Variants in PKHD1L1 observed in about 807,000 individuals in gnomAD.
The protein encoded by PKHD1L1 is fibrocystin-L.
A neutral mutation model predicts 462.9 loss-of-function variants in PKHD1L1; 434 were observed. The observed-to-expected ratio is 0.94, with a 90% CI of 0.87 to 1.02. The LOEUF (loss-of-function observed/expected upper bound fraction) is 1.02, where lower values mean the gene tolerates loss of function less well. PKHD1L1 is among the 50% of genes least tolerant of loss of function. The probability of loss-of-function intolerance (pLI) is 0.00; values close to 1 mark genes in which losing one functional copy is unlikely to be tolerated. For missense variants in PKHD1L1, 5,202 were observed against 5,096.1 expected, an observed-to-expected ratio of 1.02 and a Z score of -0.63; for synonymous variants, 1,781 against 1,750.0, an observed-to-expected ratio of 1.02 and a Z score of -0.44.
chr8:109,480,231 G>C lies in PKHD1L1; in HGVS notation c.9327+92G>C, dbSNP rs1165167770. ...TAATAAGAAAGAAGCATATTCAATT[G>C]GTGTGAATAAAAACACAACTGGCTC... On this transcript the variant is annotated intron_variant, in intron 55 of 77. Coordinates refer to ENST00000378402, the MANE Select transcript of PKHD1L1 (RefSeq NM_177531.6). The C allele has an allele frequency of 1.3e-5, 18 of 1,359,442 alleles. No homozygotes were observed. In the East Asian group the frequency reaches 2.6e-4, roughly 20 times the overall value. 84.2% of individuals were successfully genotyped at this position (1,359,442 alleles called of 1,614,324 possible). A position where few individuals can be genotyped will look rare whatever the true frequency, so the allele number is the denominator to read the frequency against.
At chr8:109,395,970 G>T in intron 10 of PKHD1L1, 57 bp from the exon 11 acceptor site, 3 of 1,220,484 alleles carry the variant, frequency 2.5e-6, no homozygotes, top group Non-Finnish European at 3.5e-6. Flanking sequence ...AAAAAATCAG[G>T]TATTTGGGTT....
chr8:109,459,911 AC>A, intron 47 of PKHD1L1, 75 bp downstream of exon 47: 1 of 1,297,250 alleles, frequency 7.7e-7, no homozygotes, highest in Non-Finnish European at 1.0e-6. Context: ...ATATTGAAAT[AC>A]ATTATTTCAA....
rs1415221047 is a variant in PKHD1L1, at chr8:109,444,864, G to A, written c.4995G>A (p.Leu1665=). 1 of 1,613,994 alleles carries A rather than the reference G, an allele frequency of 6.2e-7. No homozygotes were observed. Among genetic ancestry groups the A allele is most frequent in the South Asian group, 1.1e-5 (1 of 91,090 alleles). The change falls in exon 38 of 78, where the codon TTG becomes TTA. Residue 1665 remains leucine (L), a synonymous_variant. Transcript: ENST00000378402. ...TTTTGCCAAACATTGACCTGGTGTT[G>A]CCAAATGCAGGATCAACTACAGGAA... ...FVLLPNIDLV[L]PNAGSTTGMT...
At position 109,508,982 on chromosome 8, in the gene PKHD1L1, A is replaced by C. The variant is rs75052454; in HGVS notation, c.11395+718A>C. On this transcript the variant is annotated intron_variant, in intron 70 of 77. Coordinates refer to ENST00000378402, the MANE Select transcript of PKHD1L1 (RefSeq NM_177531.6). ...TCCTTGAAATGACACCAGGGGCTCA[A>C]AACTTAGTCCCTAAACAGGCTTAGA... Among the ~76,000 whole-genome samples the C allele has an allele frequency of 5.0e-4, 76 of 152,286 alleles. No individual in the cohort carries two copies. In the East Asian group the frequency reaches 0.014, roughly 29 times the overall value.
intron 19 of PKHD1L1, 126 bp from the exon 20 acceptor site, chr8:109,412,139 C>A (rs1813888225): frequency 2.3e-6 from 2 of 868,864 alleles, no homozygotes; most frequent in Admixed American, 5.8e-5. Context: ...AAGAAAACAT[C>A]TAAAGTTAAA....
intron 30 of PKHD1L1, among the ~76,000 whole-genome samples, chr8:109,437,281 A>C (rs185361955): frequency 2.4e-4 from 36 of 152,340 alleles, no homozygotes; most frequent in Admixed American, 1.4e-3. Context: ...TCACAAAAAA[A>C]GTGAAGTTCT....
intron 27 of PKHD1L1, among the ~76,000 whole-genome samples, chr8:109,430,728 C>G (rs373370334): frequency 6.6e-6 from 1 of 151,242 alleles, no homozygotes; most frequent in African/African-American, 2.4e-5. Context: ...TAGGAAAATT[C>G]GCCAACTAAT....
rs1168847455 is a variant in PKHD1L1 at position 109,440,828 on chromosome 8, C to G, written c.4075C>G (p.Pro1359Ala). ...AAGGGGTTTTGGATTCAGCACAATA[C>G]CAGCTGAGAATACCGTGCTGTTAGG... ...TIRGFGFSTI[P>A]AENTVLLGSI... Residue 1359 changes from proline (P) to alanine (A), a missense_variant, in exon 33 of 78, where the codon CCA (proline) becomes GCA (alanine). Pro to Ala is a conservative substitution (Grantham distance 27). Transcript: ENST00000378402. 36 of 1,612,660 alleles carry G rather than the reference C, an allele frequency of 2.2e-5. No homozygotes were observed. Among genetic ancestry groups the G allele is most frequent in the Non-Finnish European group, 3.0e-5 (35 of 1,179,090 alleles).
At chr8:109,514,134 C>T (rs1476062451) in intron 71 of PKHD1L1, among the ~76,000 whole-genome samples, 1 of 152,096 alleles carries the variant, frequency 6.6e-6, no homozygotes, top group Non-Finnish European at 1.5e-5. Flanking sequence ...TTCCTACGGT[C>T]ACCAAACATG....
chr8:109,520,622 TG>T (rs1820501034), intron 73 of PKHD1L1, among the ~76,000 whole-genome samples: 14 of 152,114 alleles, frequency 9.2e-5, no homozygotes, highest in Admixed American at 5.9e-4. Flanking sequence ...CCCTACAACT[TG>T]GTGAATCACA....
chr8:109,424,994 T>C (rs1814661823), intron 23 of PKHD1L1, 91 bp from the exon 24 acceptor site: 1 of 1,099,788 alleles, frequency 9.1e-7, no homozygotes, highest in Non-Finnish European at 1.3e-6. Context: ...CTCATTTATG[T>C]CATGTCACAG....
rs1354239845 is a variant in PKHD1L1, at chr8:109,480,117, A to C, written c.9305A>C (p.Asn3102Thr). The C allele has an allele frequency of 6.4e-7, 1 of 1,573,516 alleles. No homozygotes were observed. The highest frequency in any genetic ancestry group is 2.3e-5 in the East Asian group (1 of 43,038). Residue 3102 changes from asparagine (N) to threonine (T), a missense_variant, in exon 55 of 78, where the codon AAT (asparagine) becomes ACT (threonine). By Grantham distance (65) the Asn-to-Thr change is moderately conservative. Coordinates refer to ENST00000378402, the MANE Select transcript of PKHD1L1 (RefSeq NM_177531.6). ...TCTTCTTACAGAGAAGTTGTTTTGAATGCTACCTACATATCACTGCAGGTA... is the reference window on the plus strand; with the variant it reads ...TCTTCTTACAGAGAAGTTGTTTTGACTGCTACCTACATATCACTGCAGGTA... ...AESSYREVVL[N>T]ATYISLQGGR...
chr8:109,409,269 A>G (rs1181442957), intron 18 of PKHD1L1, among the ~76,000 whole-genome samples: 1 of 151,738 alleles, frequency 6.6e-6, no homozygotes, highest in Non-Finnish European at 1.5e-5. Context: ...TTTTTTTTCA[A>G]GACGGAGTCT....
intron 72 of PKHD1L1, among the ~76,000 whole-genome samples, chr8:109,516,956 A>C (rs1820299621): frequency 6.6e-6 from 1 of 152,160 alleles, no homozygotes; most frequent in Non-Finnish European, 1.5e-5. Flanking sequence ...TAGGAAAAAG[A>C]AATTAAAATT....
intron 2 of PKHD1L1, among the ~76,000 whole-genome samples, chr8:109,372,958 A>G (rs1271292957): frequency 1.3e-5 from 2 of 152,166 alleles, no homozygotes; most frequent in Non-Finnish European, 2.9e-5. Flanking sequence ...ATATTGGTCT[A>G]AAATTTTCTT....
intron 30 of PKHD1L1, among the ~76,000 whole-genome samples, chr8:109,437,548 GT>G (rs1173835823): frequency 2.2e-5 from 3 of 137,904 alleles, no homozygotes; most frequent in African/African-American, 2.8e-5. Flanking sequence ...ATAAAACATA[GT>G]TTTTAAATTT....
chr8:109,436,766 A>T (rs1231718052), intron 30 of PKHD1L1, among the ~76,000 whole-genome samples: 1 of 152,190 alleles, frequency 6.6e-6, no homozygotes, highest in African/African-American at 2.4e-5. Flanking sequence ...CAGTGGAGAG[A>T]GGGTGTCAGA....
At chr8:109,414,167 C>T (rs1354578524) in intron 21 of PKHD1L1, among the ~76,000 whole-genome samples, 1 of 152,064 alleles carries the variant, frequency 6.6e-6, no homozygotes, top group African/African-American at 2.4e-5. Flanking sequence ...ATACACAGTA[C>T]ATACAAAAAT....
chr8:109,520,022 C>G (rs1820467500), intron 73 of PKHD1L1, among the ~76,000 whole-genome samples: 1 of 152,140 alleles, frequency 6.6e-6, no homozygotes, highest in South Asian at 2.1e-4. Context: ...CACATTATCA[C>G]TCTGGAATTC....
Sources: allele counts gnomAD v4.1 joint callset (sites outside exome capture counted in the v4.1 genomes callset), GRCh38; gene constraint gnomAD v4.1.1; transcripts MANE v1.5; gene names NCBI Gene and HGNC (gene_info 2026-07-23, HGNC 2026-07-21).